PTPRK: variants seen among roughly 807,000 people sequenced by gnomAD.
The protein encoded by PTPRK is protein tyrosine phosphatase receptor type K.
In PTPRK, 75 loss-of-function variants were observed where a neutral mutation model predicts 178.0. The ratio of observed to expected loss-of-function variants is 0.42; its 90% CI spans 0.35 to 0.51. The LOEUF (loss-of-function observed/expected upper bound fraction) is 0.51, where lower values mean the gene tolerates loss of function less well. PTPRK is among the 20% of genes least tolerant of loss of function. The pLI, the probability that PTPRK is intolerant of heterozygous loss-of-function variation, is 0.02. For synonymous variants in PTPRK, 637 were observed against 620.6 expected (o/e 1.03, Z -0.39); for missense variants, 1,441 against 1,797.8 (o/e 0.80, Z 3.59).
At chr6:128,038,622 G>T (rs1482980297) in intron 13 of PTPRK, among the ~76,000 whole-genome samples, 1 of 152,150 alleles carries the variant, frequency 6.6e-6, no homozygotes, top group African/African-American at 2.4e-5. Flanking sequence ...ATCTACTGCA[G>T]CTCAGGAAAT....
chr6:128,350,276 A>T (rs1185120274), intron 2 of PTPRK, among the ~76,000 whole-genome samples: 1 of 152,200 alleles, frequency 6.6e-6, no homozygotes, highest in African/African-American at 2.4e-5. Context: ...AATCAGGGTC[A>T]GATATAAAAG....
rs1179305714 is a variant in PTPRK, at chr6:127,977,197, C to A, written c.3712-143G>T. The A allele has an allele frequency of 3.8e-6, 3 of 784,300 alleles. No individual in the cohort carries two copies. The Admixed American group carries it at 7.3e-5, about 19-fold the overall frequency. The allele number at this position is 784,300 out of a possible 1,614,324, so 48.6% of individuals were successfully genotyped here. ...GAAGGAGCCAGAGTGATGATTAAAC[C>A]ATGGAATAGGAGATTCAGACCACTG... On this transcript the variant is annotated intron_variant, in intron 25 of 29. Coordinates refer to ENST00000368226, the MANE Select transcript of PTPRK (RefSeq NM_002844.4).
intron 1 of PTPRK, among the ~76,000 whole-genome samples, chr6:128,402,716 G>A (rs550436188): frequency 6.6e-6 from 1 of 152,260 alleles, no homozygotes; most frequent in South Asian, 2.1e-4. Context: ...CTGCTCTAAT[G>A]ATAAGCAACA....
At chr6:128,461,137 A>G (rs1849003213) in intron 1 of PTPRK, among the ~76,000 whole-genome samples, 1 of 152,116 alleles carries the variant, frequency 6.6e-6, no homozygotes, top group East Asian at 1.9e-4. Flanking sequence ...CAACCTCTGT[A>G]TTGTCAAGAT....
chr6:128,391,067 G>A (rs1424939132), intron 2 of PTPRK, among the ~76,000 whole-genome samples: 1 of 151,968 alleles, frequency 6.6e-6, no homozygotes, highest in Admixed American at 6.6e-5. Flanking sequence ...TAAGTTCCAG[G>A]ACCATTCATT....
intron 1 of PTPRK, among the ~76,000 whole-genome samples, chr6:128,451,558 T>G (rs1847799935): frequency 6.6e-6 from 1 of 152,092 alleles, no homozygotes; most frequent in South Asian, 2.1e-4. Context: ...GTACAAAAAT[T>G]TAGTCTTCTA....
intron 5 of PTPRK, among the ~76,000 whole-genome samples, chr6:128,225,636 G>C (rs1317333933): frequency 6.6e-6 from 1 of 151,962 alleles, no homozygotes; most frequent in Non-Finnish European, 1.5e-5. Flanking sequence ...TTAAAAACAT[G>C]AAAGTATTTC....
chr6:128,296,750 G>A (rs1251379951), intron 3 of PTPRK, among the ~76,000 whole-genome samples: 1 of 152,126 alleles, frequency 6.6e-6, no homozygotes, highest in Non-Finnish European at 1.5e-5. Flanking sequence ...GGAACAACCG[G>A]TACCAGCCAC....
intron 29 of PTPRK, among the ~76,000 whole-genome samples, chr6:127,971,367 T>C (rs1230507597): frequency 6.6e-6 from 1 of 152,176 alleles, no homozygotes; most frequent in Admixed American, 6.5e-5. Context: ...GTTCGAGGTG[T>C]CTCCAGCAAT....
chr6:128,305,167 C>T (rs1252169220), intron 3 of PTPRK, among the ~76,000 whole-genome samples: 2 of 152,120 alleles, frequency 1.3e-5, no homozygotes, highest in Non-Finnish European at 2.9e-5. Context: ...GTTTCAAAGT[C>T]ATCATTTTAT....
chr6:128,090,743 T>C (rs1786773504), intron 7 of PTPRK, among the ~76,000 whole-genome samples: 2 of 152,214 alleles, frequency 1.3e-5, no homozygotes, highest in Non-Finnish European at 2.9e-5. Flanking sequence ...AAGTGTATTC[T>C]TTCCTCATTC....
At chr6:128,240,173 AT>A in intron 4 of PTPRK, 23 bp from the exon 5 acceptor site, 2 of 1,526,828 alleles carry the variant, frequency 1.3e-6, no homozygotes, top group Non-Finnish European at 9.1e-7. Flanking sequence ...GGAAAAAAAA[AT>A]GTATTTGTTT....
At chr6:128,197,430 A>G (rs1805081775) in intron 6 of PTPRK, among the ~76,000 whole-genome samples, 1 of 152,124 alleles carries the variant, frequency 6.6e-6, no homozygotes, top group South Asian at 2.1e-4. Context: ...GAAGTATACT[A>G]GATGTATCAT....
chr6:128,240,415 T>C lies in PTPRK; in HGVS notation c.578-265A>G, dbSNP rs540959460. On this transcript the variant is annotated intron_variant, in intron 4 of 29. Transcript: ENST00000368226. ...TCTCTACAGAGTGAGCACTCAACAA[T>C]TGCTGCTGAACTGCTGCCATAGCAT... 1.3e-4 allele frequency among the ~76,000 whole-genome samples: 20 copies of C among 152,298 alleles called. 1 individual carries two copies. The highest frequency in any genetic ancestry group is 4.1e-4 in the African/African-American group (17 of 41,564).
intron 1 of PTPRK, among the ~76,000 whole-genome samples, chr6:128,503,499 T>A (rs993169232): frequency 1.3e-5 from 2 of 152,220 alleles, no homozygotes; most frequent in African/African-American, 4.8e-5. Context: ...GGTCATTAAG[T>A]GCAGGGACTT....
rs1237972329 is a variant in PTPRK at position 128,099,196 on chromosome 6, A to ATT, written c.1163-9206_1163-9205dup. On this transcript the variant is annotated intron_variant, in intron 7 of 29. Coordinates refer to ENST00000368226, the MANE Select transcript of PTPRK (RefSeq NM_002844.4). Reference sequence around the variant, plus strand: ...AATACATTTATATATATATATATATATTTTTTCTTTTTTATCCAAATCCCT... The same window carrying ATT: ...AATACATTTATATATATATATATATATTTTTTTTCTTTTTTATCCAAATCCCT... 4.9e-3 allele frequency among the ~76,000 whole-genome samples: 726 copies of ATT among 149,556 alleles called. 5 individuals carry two copies. Among genetic ancestry groups the ATT allele is most frequent in the African/African-American group, 0.016 (672 of 40,962 alleles).
intron 3 of PTPRK, among the ~76,000 whole-genome samples, chr6:128,302,454 T>A (rs1449625672): frequency 7.0e-6 from 1 of 142,730 alleles, no homozygotes; most frequent in African/African-American, 2.6e-5. Context: ...GCGTCAGAAC[T>A]ATCCATACTT....
chr6:128,321,066 T>C lies in PTPRK; in HGVS notation c.495+973A>G, dbSNP rs954769789. ...AGCAATTAAAGCAAAGCATTTCTTT[T>C]TTCCCCTTCAAGAATAAAGACAAAC... On this transcript the variant is annotated intron_variant, in intron 3 of 29. Transcript: ENST00000368226. 6.6e-5 allele frequency: 10 copies of C among 152,244 alleles called. No homozygotes were observed. In the South Asian group the frequency reaches 1.9e-3, roughly 28 times the overall value. 9.4% of individuals were successfully genotyped at this position (152,244 alleles called of 1,614,324 possible).
intron 6 of PTPRK, among the ~76,000 whole-genome samples, chr6:128,193,700 T>C (rs1169838476): frequency 6.6e-6 from 1 of 152,184 alleles, no homozygotes; most frequent in East Asian, 1.9e-4. Flanking sequence ...AGAAGAATCA[T>C]TTCAGCAATG....
Sources: allele counts gnomAD v4.1 joint callset (sites outside exome capture counted in the v4.1 genomes callset), GRCh38; gene constraint gnomAD v4.1.1; transcripts MANE v1.5; gene names NCBI Gene and HGNC (gene_info 2026-07-23, HGNC 2026-07-21).